EIF4A2: variants seen among roughly 807,000 people sequenced by gnomAD.
The protein encoded by EIF4A2 is eukaryotic initiation factor 4A-II.
Under a neutral mutation model 50.6 loss-of-function variants are expected in EIF4A2, and 9 were observed. The ratio of observed to expected loss-of-function variants is 0.18; its 90% CI spans 0.11 to 0.31. The LOEUF (loss-of-function observed/expected upper bound fraction) is 0.31. Among genes scored for constraint, EIF4A2 ranks in the 10% least tolerant of loss-of-function variants. EIF4A2 has a pLI of 1.00. For synonymous variants in EIF4A2, 215 were observed against 164.4 expected, an observed-to-expected ratio of 1.31 and a Z score of -2.35; for missense variants, 182 against 501.8, an observed-to-expected ratio of 0.36 and a Z score of 6.09.
chr3:186,788,857 C>T (rs1288195442), intron 10 of EIF4A2: 2 of 377,274 alleles, frequency 5.3e-6, no homozygotes, highest in Admixed American at 9.0e-5. Flanking sequence ...CTACCCCAAA[C>T]ACGATACTGT....
rs369787646 is a variant in EIF4A2 at position 186,786,390 on chromosome 3, C to T, written c.628-112C>T. The stretch of plus-strand genomic sequence containing the variant: ...TTCCCCCTGCTTAAAGCACTTGATG[C>T]ATAACTCTGTCTACCTTCATTCCGT... On this transcript the variant is annotated intron_variant, in intron 6 of 10. Coordinates refer to ENST00000323963, the MANE Select transcript of EIF4A2 (RefSeq NM_001967.4). The T allele has an allele frequency of 1.7e-5, 26 of 1,527,274 alleles. No homozygotes were observed. The East Asian group carries it at 4.4e-4, about 26-fold the overall frequency. The allele number at this position is 1,527,274 out of a possible 1,614,324, so 94.6% of individuals were successfully genotyped here. A position where few individuals can be genotyped will look rare whatever the true frequency, so the allele number is the denominator to read the frequency against.
At chr3:186,783,815 T>G in intron 1 of EIF4A2, 176 bp downstream of exon 1, 3 of 1,015,714 alleles carry the variant, frequency 3.0e-6, no homozygotes, top group East Asian at 4.9e-5. Context: ...TGTGGGGAGA[T>G]AGGACGGTGG....
intron 1 of EIF4A2, chr3:186,783,847 G>C (rs1721514710): frequency 1.4e-6 from 1 of 731,654 alleles, no homozygotes; most frequent in Non-Finnish European, 2.2e-6. Flanking sequence ...TGGCTAAAGG[G>C]CGTTTTTCCT....
chr3:186,786,076 T>A, intron 5 of EIF4A2, 25 bp downstream of exon 5: 1 of 1,596,152 alleles, frequency 6.3e-7, no homozygotes, highest in Non-Finnish European at 8.6e-7. Context: ...TAAGAGAGTA[T>A]TTTTTTTAAA....
chr3:186,788,289 AAG>A (rs1365975822), intron 10 of EIF4A2: 1 of 1,291,834 alleles, frequency 7.7e-7, no homozygotes, highest in Non-Finnish European at 1.0e-6. Context: ...GATGTAAAAA[AAG>A]ACTTTTTAAA....
intron 1 of EIF4A2, chr3:186,784,207 G>C (rs550451509): frequency 1.7e-4 from 105 of 618,248 alleles, no homozygotes; most frequent in African/African-American, 1.3e-3. Flanking sequence ...CTCCGCAGTT[G>C]AAACGGGATC....
rs185312410 is a variant in EIF4A2 at position 186,783,590 on chromosome 3, C to A, written c.-21C>A. ...GGGCGCCGCTGTCTTTTCAGTCGGG[C>A]GCTGAGTGGTTTTTCGGATCATGTC... On this transcript the variant is annotated 5_prime_UTR_variant, in exon 1 of 11. Coordinates refer to ENST00000323963, the MANE Select transcript of EIF4A2 (RefSeq NM_001967.4). 6 of 1,613,976 alleles carry A rather than the reference C, an allele frequency of 3.7e-6. No homozygotes were observed. Among genetic ancestry groups the A allele is most frequent in the Non-Finnish European group, 5.1e-6 (6 of 1,180,032 alleles).
intron 1 of EIF4A2, 178 bp downstream of exon 1, chr3:186,783,817 G>C (rs974159802): frequency 1.0e-5 from 10 of 983,734 alleles, no homozygotes; most frequent in Admixed American, 2.6e-5. Context: ...TGGGGAGATA[G>C]GACGGTGGTG....
rs1721574783 is a variant in EIF4A2 at position 186,784,487 on chromosome 3, G to C, written c.75+10G>C. 2 of 1,614,076 alleles carry C rather than the reference G, an allele frequency of 1.2e-6. No homozygotes were observed. Among genetic ancestry groups the C allele is most frequent in the African/African-American group, 1.3e-5 (1 of 74,928 alleles). Reference sequence around the variant, plus strand: ...CGATGGTGTCATCGAGGTAAGAAACGGTTGTGGATCTTGAAGCTTTGGAAA... The same window carrying C: ...CGATGGTGTCATCGAGGTAAGAAACCGTTGTGGATCTTGAAGCTTTGGAAA... On this transcript the variant is annotated intron_variant, in intron 2 of 10. Transcript: ENST00000323963.
At chr3:186,785,735 G>A in intron 4 of EIF4A2, 148 bp from the exon 5 acceptor site, 1 of 995,968 alleles carries the variant, frequency 1.0e-6, no homozygotes, top group Non-Finnish European at 1.4e-6. Context: ...GCAGCAGTTA[G>A]GTCGTCTGCA....
chr3:186,788,734 C>G (rs575996721), intron 10 of EIF4A2: 1 of 232,326 alleles, frequency 4.3e-6, no homozygotes, highest in Non-Finnish European at 8.6e-6. Flanking sequence ...TTTACAGTTC[C>G]AGAAGTGCGT....
Position 186,783,603 on chromosome 3 carries a change from T to G in EIF4A2, c.-8T>G. On this transcript the variant is annotated 5_prime_UTR_variant, in exon 1 of 11. Coordinates refer to ENST00000323963, the MANE Select transcript of EIF4A2 (RefSeq NM_001967.4). ...TTTTCAGTCGGGCGCTGAGTGGTTTTTCGGATCATGTCTGGTGGCTCCGCG... is the reference window on the plus strand; with the variant it reads ...TTTTCAGTCGGGCGCTGAGTGGTTTGTCGGATCATGTCTGGTGGCTCCGCG... The G allele has an allele frequency of 6.2e-7, 1 of 1,614,112 alleles. No homozygotes were observed. Among genetic ancestry groups the G allele is most frequent in the Non-Finnish European group, 8.5e-7 (1 of 1,180,010 alleles).
chr3:186,785,171 A>T, intron 4 of EIF4A2, 70 bp downstream of exon 4: 2 of 1,586,556 alleles, frequency 1.3e-6, no homozygotes, highest in South Asian at 1.1e-5. Flanking sequence ...ACTGTGAAGA[A>T]TTTAAAACTT....
In EIF4A2 at chr3:186,787,794, G is replaced by T; in HGVS notation, c.1000-9G>T. On this transcript the variant is annotated splice_polypyrimidine_tract_variant and intron_variant, in intron 9 of 10. Coordinates refer to ENST00000323963, the MANE Select transcript of EIF4A2 (RefSeq NM_001967.4). ...GAATCAATTTTTAAAACATGCCATT[G>T]TGTTTCAGGCTCGCGGGATTGATGT... is the stretch of plus-strand genomic sequence containing the variant. 1.2e-6 allele frequency: 2 copies of T among 1,613,968 alleles called. No individual in the cohort carries two copies.
Position 186,787,183 on chromosome 3 carries a change from T to A in EIF4A2, c.828T>A (p.Ala276=), listed in dbSNP as rs1721780877. The A allele has an allele frequency of 6.2e-7, 1 of 1,614,028 alleles. No individual in the cohort carries two copies. Among genetic ancestry groups the A allele is most frequent in the African/African-American group, 1.3e-5 (1 of 74,932 alleles). Residue 276 remains alanine, a synonymous_variant, in exon 8 of 11, where the codon GCT becomes GCA. Coordinates refer to ENST00000323963, the MANE Select transcript of EIF4A2 (RefSeq NM_001967.4). ...ACGAGACACTGACCATTACACAGGC[T>A]GTTATTTTTCTCAATACGAGGCGCA... ...DLYETLTITQ[A]VIFLNTRRKV...
At position 186,789,858 on chromosome 3, in the gene EIF4A2, TG is replaced by T. The variant is rs1722012542; in HGVS notation, c.*590del. On this transcript the variant is annotated 3_prime_UTR_variant, in exon 11 of 11. Coordinates refer to ENST00000323963, the MANE Select transcript of EIF4A2 (RefSeq NM_001967.4). ...AATTGCCATATTGCACATGTCTTAATGAAGTTTGAATGTTAAATAAATTGTA... is the reference window on the plus strand; with the variant it reads ...AATTGCCATATTGCACATGTCTTAATAAGTTTGAATGTTAAATAAATTGTA... The T allele has an allele frequency of 1.3e-6, 1 of 745,828 alleles. No individual in the cohort carries two copies. The highest frequency in any genetic ancestry group is 2.2e-6 in the Non-Finnish European group (1 of 455,896). 46.2% of individuals were successfully genotyped at this position (745,828 alleles called of 1,614,324 possible). A position where few individuals can be genotyped will look rare whatever the true frequency, so the allele number is the denominator to read the frequency against.
chr3:186,786,743 C>T lies in EIF4A2; in HGVS notation c.771+98C>T, dbSNP rs73063489. 114 of 1,499,662 alleles carry T rather than the reference C, an allele frequency of 7.6e-5. No individual in the cohort carries two copies. The African/African-American group carries it at 1.4e-3, about 19-fold the overall frequency. 92.9% of individuals were successfully genotyped at this position (1,499,662 alleles called of 1,614,324 possible). A position where few individuals can be genotyped will look rare whatever the true frequency, so the allele number is the denominator to read the frequency against. ...CCATGTCTTGGTTTTTGCAATAATG[C>T]TAGCAGAGTACACACAAGAAGAAAA... On this transcript the variant is annotated intron_variant, in intron 7 of 10. Transcript: ENST00000323963.
chr3:186,787,239 C>G lies in EIF4A2; in HGVS notation c.884C>G (p.Ala295Gly). Residue 295 changes from alanine to glycine, a missense_variant, in exon 8 of 11, where the codon GCC becomes GGC. By Grantham distance (60) the Ala-to-Gly change is moderately conservative. Around this residue, in one of 7 missense-constraint regions of EIF4A2, gnomAD observed 113 missense variants for 357.3 expected, o/e 0.32. Coordinates refer to ENST00000323963, the MANE Select transcript of EIF4A2 (RefSeq NM_001967.4). ...GACTGGCTGACTGAGAAGATGCATG[C>G]CAGAGACTTCACAGTTTCTGCTCTG... ...KVDWLTEKMH[A>G]RDFTVSALHG... 6.2e-7 allele frequency: 1 copy of G among 1,614,072 alleles called. No homozygotes were observed. Among genetic ancestry groups the G allele is most frequent in the Non-Finnish European group, 8.5e-7 (1 of 1,179,976 alleles).
Position 186,789,239 on chromosome 3 carries a change from G to A in EIF4A2, c.1194G>A (p.Glu398=), listed in dbSNP as rs1215677459. ...CTTTCTACAATACTACAGTGGAGGA[G>A]ATGCCCATGAATGTGGCTGACCTTA... is the stretch of plus-strand genomic sequence containing the variant. ...IETFYNTTVE[E]MPMNVADLI Residue 398 remains glutamate, a synonymous_variant, in exon 11 of 11, where the codon GAG becomes GAA. Transcript: ENST00000323963. The A allele has an allele frequency of 2.5e-6, 4 of 1,611,562 alleles. No individual in the cohort carries two copies. Among genetic ancestry groups the A allele is most frequent in the Non-Finnish European group, 3.4e-6 (4 of 1,179,352 alleles).
Sources: gnomAD v4.1 joint callset for allele counts on GRCh38, gnomAD v4.1.1 for gene constraint, gnomAD v4.1.1 regional missense constraint, MANE v1.5 for transcripts, NCBI Gene and HGNC (gene_info 2026-07-23, HGNC 2026-07-21) for gene names.